The following PLEKHG4 variants were observed in gnomAD, a reference collection of about 807,000 sequenced individuals.
PLEKHG4 encodes the protein puratrophin-1.
Under a neutral mutation model 136.9 loss-of-function variants are expected in PLEKHG4, and 85 were observed. That is an observed-to-expected ratio of 0.62 (90% confidence interval 0.52 to 0.74). The LOEUF (loss-of-function observed/expected upper bound fraction) is 0.74, where lower values mean the gene tolerates loss of function less well. PLEKHG4 is among the 30% of genes least tolerant of loss of function. PLEKHG4 has a pLI of 0.00. For synonymous variants in PLEKHG4, 577 were observed against 646.9 expected (o/e 0.89, Z 1.64); for missense variants, 1,317 against 1,527.8 (o/e 0.86, Z 2.30).
rs557216194 is a variant in PLEKHG4 at position 67,288,413 on chromosome 16, C to G, written c.3454+13C>G. On this transcript the variant is annotated intron_variant, in intron 20 of 21. Transcript: ENST00000379344. ...CAGCCCTCTTTGAGTATGTCTGGGCCTAGCCAGAGGCAGGAGGGCATGGCT... is the reference window on the plus strand; with the variant it reads ...CAGCCCTCTTTGAGTATGTCTGGGCGTAGCCAGAGGCAGGAGGGCATGGCT... 2.5e-6 allele frequency: 4 copies of G among 1,612,552 alleles called. No homozygotes were observed. The highest frequency in any genetic ancestry group is 1.1e-5 in the South Asian group (1 of 91,080).
chr16:67,288,083 A>G (rs1597387830), intron 19 of PLEKHG4, 69 bp downstream of exon 19: 1 of 1,517,392 alleles, frequency 6.6e-7, no homozygotes, highest in Non-Finnish European at 9.2e-7. Context: ...GTGGCCCTCC[A>G]TTAGTGCTGG....
chr16:67,282,676 G>A (rs374564954), intron 10 of PLEKHG4, 35 bp downstream of exon 10: 40 of 1,613,582 alleles, frequency 2.5e-5, no homozygotes, highest in African/African-American at 6.7e-5. Context: ...GCCCTGCCCC[G>A]ATCTCAGACG....
upstream of PLEKHG4, chr16:67,279,047 TC>T (rs2036085461): frequency 6.6e-6 from 1 of 152,064 alleles, no homozygotes. Flanking sequence ...GCACCCCGCT[TC>T]CCTACACAGA....
At chr16:67,282,151 C>T (rs2036259825) in intron 8 of PLEKHG4, 44 bp downstream of exon 8, 9 of 1,613,300 alleles carry the variant, frequency 5.6e-6, no homozygotes, top group Non-Finnish European at 7.6e-6. Context: ...TCCCTGTCTC[C>T]CTCCTTCTCT....
rs1231484372 is a variant in PLEKHG4 at position 67,281,138 on chromosome 16, T to G, written c.767T>G (p.Ile256Ser). Reference sequence around the variant, plus strand: ...CTGACAGTGCTAGTTGATGCCCGAATTTGTGCTCCAAGTTCTTCCCTCTTC... The same window carrying G: ...CTGACAGTGCTAGTTGATGCCCGAAGTTGTGCTCCAAGTTCTTCCCTCTTC... ...LGLTVLVDAR[I>S]CAPSSSLFSG... is the part of the protein sequence containing the mutation. The change falls in exon 5 of 22, where the codon ATT becomes AGT. Residue 256 changes from isoleucine to serine, a missense_variant. Ile to Ser is a moderately radical substitution (Grantham distance 142). Transcript: ENST00000379344. The G allele has an allele frequency of 6.2e-7, 1 of 1,614,106 alleles. No homozygotes were observed. The highest frequency in any genetic ancestry group is 1.1e-5 in the South Asian group (1 of 91,080).
At chr16:67,287,581 A>G (rs1328328953) in intron 18 of PLEKHG4, 1 of 490,182 alleles carries the variant, frequency 2.0e-6, no homozygotes, top group Non-Finnish European at 3.7e-6. Flanking sequence ...ATTTTTTCAT[A>G]GAGGTCTCAT....
In PLEKHG4 at chr16:67,287,190, C is replaced by G; in HGVS notation, c.3103+13C>G. ...GTCCACAACAAGGGTGGGTCCATGC[C>G]CCTCCTTCACGCCACACTCCCCTCA... is the stretch of plus-strand genomic sequence containing the variant. On this transcript the variant is annotated intron_variant, in intron 18 of 21. Transcript: ENST00000379344. 1.2e-6 allele frequency: 2 copies of G among 1,603,014 alleles called. No individual in the cohort carries two copies. The highest frequency in any genetic ancestry group is 1.7e-6 in the Non-Finnish European group (2 of 1,179,274).
rs755965037 is a variant in PLEKHG4, at chr16:67,286,986, C to T, written c.2926-14C>T. 1 of 1,613,130 alleles carries T rather than the reference C, an allele frequency of 6.2e-7. No individual in the cohort carries two copies. Among genetic ancestry groups the T allele is most frequent in the Admixed American group, 1.7e-5 (1 of 60,030 alleles). On this transcript the variant is annotated splice_polypyrimidine_tract_variant and intron_variant, in intron 17 of 21. Coordinates refer to ENST00000379344, the MANE Select transcript of PLEKHG4 (RefSeq NM_001129729.3). The stretch of plus-strand genomic sequence containing the variant: ...CCCATGCCTTACCAAGCCCCTCTCT[C>T]CCGCTGGCCACAGATGGCAGACCTT...
rs778480230 is a variant in PLEKHG4, at chr16:67,286,516, C to A, written c.2604C>A (p.Gly868=). 3 of 1,590,836 alleles carry A rather than the reference C, an allele frequency of 1.9e-6. No homozygotes were observed. The highest frequency in any genetic ancestry group is 3.6e-5 in the Admixed American group (2 of 56,290). The change falls in exon 16 of 22, where the codon GGC becomes GGA. Residue 868 remains glycine, a synonymous_variant. Transcript: ENST00000379344. The part of the protein sequence containing the change: ...SYLLKPIQRM[G]KYALLLQELA... ...TGCTAAAGCCCATCCAGCGCATGGG[C>A]AAGTACGCACTGCTGCTGCAGGAGC... is the stretch of plus-strand genomic sequence containing the variant.
Position 67,284,985 on chromosome 16 carries a change from A to T in PLEKHG4, c.1965A>T (p.Thr655=). The T allele has an allele frequency of 6.2e-7, 1 of 1,613,370 alleles. No homozygotes were observed. The highest frequency in any genetic ancestry group is 1.1e-5 in the South Asian group (1 of 91,082). ...TGAAGCTACCACCGGTGGGCAGCAC[A>T]GCTAGCCTGTGTGTCAGCCAGGTCC... is the stretch of plus-strand genomic sequence containing the variant. ...ASLKLPPVGS[T]ASLCVSQVPA... Residue 655 remains threonine (T), a synonymous_variant, in exon 13 of 22, where the codon ACA becomes ACT. Transcript: ENST00000379344. The surrounding 1 kb of genome is among the most constrained non-coding windows in gnomAD (Gnocchi z 4.4).
Position 67,280,085 on chromosome 16 carries a change from C to G in PLEKHG4, c.41C>G (p.Ser14Cys), listed in dbSNP as rs2036140694. ...PLENGDESPD[S>C]QGHATDWRFA... is the part of the protein sequence containing the mutation. ...GAGAATGGGGATGAGTCCCCAGACT[C>G]TCAGGGCCATGCCACCGACTGGAGA... is the stretch of plus-strand genomic sequence containing the variant. Residue 14 changes from serine to cysteine, a missense_variant, in exon 2 of 22, where the codon TCT becomes TGT. Transcript: ENST00000379344. The surrounding 1 kb of genome is among the most constrained non-coding windows in gnomAD (Gnocchi z 4.4). 6.2e-7 allele frequency: 1 copy of G among 1,613,776 alleles called. No individual in the cohort carries two copies. The highest frequency in any genetic ancestry group is 8.5e-7 in the Non-Finnish European group (1 of 1,179,946).
intron 11 of PLEKHG4, among the ~76,000 whole-genome samples, chr16:67,283,645 G>A (rs1265737589): frequency 1.3e-5 from 2 of 152,128 alleles, no homozygotes; most frequent in Admixed American, 6.5e-5. Flanking sequence ...GAGAGACTAG[G>A]AGATGAGGTC....
At position 67,282,525 on chromosome 16, in the gene PLEKHG4, G is replaced by A. The variant is rs1463160945; in HGVS notation, c.1276G>A (p.Glu426Lys). The change falls in exon 10 of 22, where the codon GAG becomes AAG. Residue 426 changes from glutamate (E) to lysine (K), a missense_variant. Coordinates refer to ENST00000379344, the MANE Select transcript of PLEKHG4 (RefSeq NM_001129729.3). ...CAGGACGGCAATGGACAAGGCTGAC[G>A]AGCTATATGACCGGGTGGATGGATT... ...DYRTAMDKAD[E>K]LYDRVDGLLH... 8 of 1,614,002 alleles carry A rather than the reference G, an allele frequency of 5.0e-6. No individual in the cohort carries two copies. In the Admixed American group the frequency reaches 5.0e-5, roughly 10 times the overall value.
rs147947597 is a variant in PLEKHG4 at position 67,286,522 on chromosome 16, C to A, written c.2610C>A (p.Tyr870Ter). The A allele has an allele frequency of 6.9e-6, 11 of 1,586,756 alleles. No homozygotes were observed. In the East Asian group the frequency reaches 2.3e-4, roughly 33 times the overall value. ...AGCCCATCCAGCGCATGGGCAAGTACGCACTGCTGCTGCAGGAGCTGGCAC... is the reference window on the plus strand; with the variant it reads ...AGCCCATCCAGCGCATGGGCAAGTAAGCACTGCTGCTGCAGGAGCTGGCAC... ...LLKPIQRMGK[Y>*]ALLLQELARA... The change falls in exon 16 of 22, where the codon TAC (tyrosine) becomes TAA (stop). Residue 870 changes from tyrosine (Y) to a stop codon, truncating the protein, a stop_gained. Coordinates refer to ENST00000379344, the MANE Select transcript of PLEKHG4 (RefSeq NM_001129729.3). LOFTEE classifies it high-confidence loss of function.
intron 11 of PLEKHG4, 88 bp downstream of exon 11, chr16:67,282,946 C>T (rs376185607): frequency 1.1e-6 from 1 of 950,510 alleles, no homozygotes; most frequent in South Asian, 1.3e-5. Flanking sequence ...CAATTCAATC[C>T]TTTGCTTTCT....
chr16:67,287,462 T>C, intron 18 of PLEKHG4: 1 of 539,598 alleles, frequency 1.9e-6, no homozygotes, highest in Non-Finnish European at 3.3e-6. Context: ...TGCAGTGGCA[T>C]GATCTTTGCT....
At position 67,289,128 on chromosome 16, in the gene PLEKHG4, ACC is replaced by A; in HGVS notation, c.*321_*322del. On this transcript the variant is annotated 3_prime_UTR_variant, in exon 22 of 22. Transcript: ENST00000379344. ...TTTCCATGCTGTAGGCTGGTGGGGG[ACC>A]ATGTGCCTCTAGGCAGTGACTAGGG... 2.0e-6 allele frequency: 1 copy of A among 508,514 alleles called. No individual in the cohort carries two copies. The highest frequency in any genetic ancestry group is 3.6e-6 in the Non-Finnish European group (1 of 278,654). The allele number at this position is 508,514 out of a possible 1,614,324, so 31.5% of individuals were successfully genotyped here. A position where few individuals can be genotyped will look rare whatever the true frequency, so the allele number is the denominator to read the frequency against.
At position 67,284,847 on chromosome 16, in the gene PLEKHG4, G is replaced by T. The variant is rs1407418577; in HGVS notation, c.1827G>T (p.Met609Ile). ...TGCCTCCTGCCCACTTCCGAAAGAT[G>T]TGGGCTCTGGCCACGGGGCTGGGCT... ...PDLPPAHFRK[M>I]WALATGLGSE... Residue 609 changes from methionine to isoleucine, a missense_variant, in exon 13 of 22, where the codon ATG (methionine) becomes ATT (isoleucine). By Grantham distance (10) the Met-to-Ile change is conservative. Coordinates refer to ENST00000379344, the MANE Select transcript of PLEKHG4 (RefSeq NM_001129729.3). This position sits in a 1 kb window ranked among gnomAD's most constrained non-coding sequence, Gnocchi z 4.4. 2 of 1,613,182 alleles carry T rather than the reference G, an allele frequency of 1.2e-6. No individual in the cohort carries two copies. The highest frequency in any genetic ancestry group is 2.7e-5 in the African/African-American group (2 of 74,938).
In PLEKHG4 at chr16:67,282,489, A is replaced by T. The variant is rs776015999; in HGVS notation, c.1254-14A>T. 3.7e-6 allele frequency: 6 copies of T among 1,613,782 alleles called. No individual in the cohort carries two copies. In the East Asian group the frequency reaches 1.1e-4, roughly 30 times the overall value. ...TGCAAGGCAGGGGGTCTAAGATGGTATACCCTACACCAGGACGGCAATGGA... is the reference window on the plus strand; with the variant it reads ...TGCAAGGCAGGGGGTCTAAGATGGTTTACCCTACACCAGGACGGCAATGGA... On this transcript the variant is annotated splice_polypyrimidine_tract_variant and intron_variant, in intron 9 of 21. Transcript: ENST00000379344.
Sources: allele counts gnomAD v4.1 joint callset (sites outside exome capture counted in the v4.1 genomes callset), GRCh38; gene constraint gnomAD v4.1.1; non-coding constraint Gnocchi (gnomAD v3.1); transcripts MANE v1.5; gene names NCBI Gene and HGNC (gene_info 2026-07-23, HGNC 2026-07-21).